MAP2K4: variants seen among roughly 807,000 people sequenced by gnomAD.
MAP2K4 encodes the protein dual specificity mitogen-activated protein kinase kinase 4.
In MAP2K4, 4 loss-of-function variants were observed where a neutral mutation model predicts 48.5. The ratio of observed to expected loss-of-function variants is 0.08; its 90% CI spans 0.04 to 0.19. MAP2K4 has a LOEUF of 0.19. Ranked by LOEUF, MAP2K4 falls within the 10% of genes least tolerant of loss-of-function variation. The pLI, the probability that MAP2K4 is intolerant of heterozygous loss-of-function variation, is 1.00. For missense variants in MAP2K4, 258 were observed against 493.3 expected (o/e 0.52, Z 4.52); for synonymous variants, 166 against 173.1 (o/e 0.96, Z 0.32).
At chr17:12,104,609 C>G (rs935998412) in intron 4 of MAP2K4, among the ~76,000 whole-genome samples, 2 of 151,764 alleles carry the variant, frequency 1.3e-5, no homozygotes, top group African/African-American at 2.4e-5. Context: ...TTTGGTCTTT[C>G]CCTAATTAGT....
intron 1 of MAP2K4, among the ~76,000 whole-genome samples, chr17:12,030,172 G>T (rs1438719720): frequency 6.6e-6 from 1 of 152,042 alleles, no homozygotes; most frequent in African/African-American, 2.4e-5. Flanking sequence ...TCTGACTTTT[G>T]CAGGTCTTAA....
At chr17:12,082,374 T>C (rs1400399702) in intron 3 of MAP2K4, among the ~76,000 whole-genome samples, 2 of 152,206 alleles carry the variant, frequency 1.3e-5, no homozygotes, top group Non-Finnish European at 2.9e-5. Flanking sequence ...AAAAGCTAGC[T>C]GTGGCCATAC....
chr17:12,022,048 A>C (rs773574927), intron 1 of MAP2K4, among the ~76,000 whole-genome samples: 10 of 152,202 alleles, frequency 6.6e-5, no homozygotes, highest in Non-Finnish European at 1.5e-4. Context: ...GCTTGTGTTG[A>C]ATTATTAACA....
chr17:12,114,795 TAAGA>T (rs1275114527), intron 7 of MAP2K4, among the ~76,000 whole-genome samples: 1 of 152,256 alleles, frequency 6.6e-6, no homozygotes, highest in Non-Finnish European at 1.5e-5. Flanking sequence ...TTCAGCTTTC[TAAGA>T]AAGACTCAGA....
At chr17:12,078,757 T>C (rs542120184) in intron 2 of MAP2K4, among the ~76,000 whole-genome samples, 1 of 152,334 alleles carries the variant, frequency 6.6e-6, no homozygotes, top group Non-Finnish European at 1.5e-5. Context: ...TTACGTAGTT[T>C]AGGACAGAAA....
chr17:12,079,339 T>C (rs1187500267), intron 2 of MAP2K4, among the ~76,000 whole-genome samples: 2 of 152,240 alleles, frequency 1.3e-5, no homozygotes, highest in African/African-American at 4.8e-5. Flanking sequence ...TGTAACTGTT[T>C]TCATTCTGTA....
chr17:12,140,663 G>A (rs537369106), intron 10 of MAP2K4, among the ~76,000 whole-genome samples: 1 of 152,220 alleles, frequency 6.6e-6, no homozygotes, highest in South Asian at 2.1e-4. Context: ...TTTGTTAAAA[G>A]GTCAAAAGAA....
At chr17:12,130,700 G>T (rs1972993301) in intron 9 of MAP2K4, among the ~76,000 whole-genome samples, 1 of 152,112 alleles carries the variant, frequency 6.6e-6, no homozygotes, top group Non-Finnish European at 1.5e-5. Context: ...AATCATTAAG[G>T]TCTACATTGA....
intron 7 of MAP2K4, chr17:12,124,320 A>G (rs1567671904): frequency 6.6e-6 from 1 of 152,224 alleles, no homozygotes; most frequent in Non-Finnish European, 1.5e-5. Context: ...CATCATTTAG[A>G]TGGTCCCTAA....
intron 3 of MAP2K4, among the ~76,000 whole-genome samples, chr17:12,087,368 A>G (rs1471478730): frequency 1.3e-5 from 2 of 152,156 alleles, no homozygotes; most frequent in Admixed American, 1.3e-4. Flanking sequence ...TTTCAGTGCT[A>G]AGATTGACAT....
At chr17:12,054,836 A>G in intron 1 of MAP2K4, 53 bp from the exon 2 acceptor site, 1 of 1,150,698 alleles carries the variant, frequency 8.7e-7, no homozygotes, top group Non-Finnish European at 1.3e-6. Context: ...CCCTCAGAAT[A>G]GTACCTGTTT....
At chr17:12,066,136 CT>C (rs56698550) in intron 2 of MAP2K4, among the ~76,000 whole-genome samples, 6,340 of 101,578 alleles carry the variant, frequency 0.062, 382 homozygotes, top group African/African-American at 0.16. Flanking sequence ...TTCTTTCTTT[CT>C]TTTTTTTTTT....
intron 1 of MAP2K4, among the ~76,000 whole-genome samples, chr17:12,031,822 A>G (rs996092838): frequency 1.1e-4 from 16 of 152,182 alleles, no homozygotes; most frequent in African/African-American, 3.6e-4. Flanking sequence ...AAGTTTCACA[A>G]TTTATGAACT....
intron 7 of MAP2K4, among the ~76,000 whole-genome samples, chr17:12,117,409 T>TAA (rs561108727): frequency 6.9e-6 from 1 of 144,040 alleles, no homozygotes; most frequent in Non-Finnish European, 1.5e-5. Flanking sequence ...GTTCCCAAGG[T>TAA]AAAAAAAAAA....
At chr17:12,078,876 A>G (rs1295752928) in intron 2 of MAP2K4, among the ~76,000 whole-genome samples, 1 of 152,178 alleles carries the variant, frequency 6.6e-6, no homozygotes, top group East Asian at 1.9e-4. Context: ...GGTTGTACCT[A>G]CTGTTAAAGC....
intron 3 of MAP2K4, among the ~76,000 whole-genome samples, chr17:12,089,134 G>A (rs1430992417): frequency 6.6e-6 from 1 of 151,940 alleles, no homozygotes; most frequent in African/African-American, 2.4e-5. Flanking sequence ...GGATGGTTTC[G>A]ATCTCCTGAC....
At chr17:12,124,263 A>G (rs1038743225) in intron 7 of MAP2K4, 8 of 152,180 alleles carry the variant, frequency 5.3e-5, no homozygotes, top group Non-Finnish European at 7.4e-5. Flanking sequence ...ATCCATTGTC[A>G]ACTCTGTGCC....
At chr17:12,055,797 T>C (rs1011024272) in intron 2 of MAP2K4, among the ~76,000 whole-genome samples, 1 of 152,106 alleles carries the variant, frequency 6.6e-6, no homozygotes, top group Admixed American at 6.6e-5. Context: ...GCAAAAGAGA[T>C]GCTTAAAATA....
chr17:12,137,102 T>C (rs1233756851), intron 9 of MAP2K4, among the ~76,000 whole-genome samples: 2 of 152,152 alleles, frequency 1.3e-5, no homozygotes, highest in East Asian at 3.9e-4. Context: ...GGTGGCCCTG[T>C]GAAATAGAGG....
Sources: allele counts gnomAD v4.1 joint callset (sites outside exome capture counted in the v4.1 genomes callset), GRCh38; gene constraint gnomAD v4.1.1; transcripts MANE v1.5; gene names NCBI Gene and HGNC (gene_info 2026-07-23, HGNC 2026-07-21).